NRG2: variants seen among roughly 807,000 people sequenced by gnomAD.
NRG2 encodes the protein pro-neuregulin-2, membrane-bound isoform.
NRG2 carries 27 observed loss-of-function variants against 73.9 expected under a neutral mutation model. That is an observed-to-expected ratio of 0.37 (90% CI 0.27 to 0.50). The LOEUF is 0.50. Among genes scored for constraint, NRG2 ranks in the 20% least tolerant of loss-of-function variants. The pLI is 0.96. For missense variants in NRG2, 1,126 were observed against 1,210.1 expected, an observed-to-expected ratio of 0.93 and a Z score of 1.03; for synonymous variants, 532 against 541.0, an observed-to-expected ratio of 0.98 and a Z score of 0.23.
chr5:140,030,491 G>T (rs890816766), intron 1 of NRG2, among the ~76,000 whole-genome samples: 7 of 152,236 alleles, frequency 4.6e-5, no homozygotes, highest in African/African-American at 1.7e-4. Flanking sequence ...GGGCATAGGT[G>T]AAGCAGGGGC....
At chr5:139,943,451 C>T (rs928814838) in intron 1 of NRG2, among the ~76,000 whole-genome samples, 5 of 152,082 alleles carry the variant, frequency 3.3e-5, no homozygotes, top group African/African-American at 1.2e-4. Flanking sequence ...CCCGGCCCCA[C>T]TTTTGATTTT....
intron 1 of NRG2, among the ~76,000 whole-genome samples, chr5:139,924,603 C>T (rs911587405): frequency 5.3e-5 from 8 of 152,262 alleles, no homozygotes; most frequent in East Asian, 1.9e-4. Flanking sequence ...CCTTAATATC[C>T]GGAGATTTCA....
intron 1 of NRG2, among the ~76,000 whole-genome samples, chr5:139,906,103 G>T (rs979683374): frequency 2.0e-5 from 3 of 152,082 alleles, no homozygotes; most frequent in Non-Finnish European, 4.4e-5. Context: ...CTCCTCTCGG[G>T]TTCAAGCGAT....
At chr5:139,849,320 C>T (rs1761253393) in intron 9 of NRG2, among the ~76,000 whole-genome samples, 1 of 152,220 alleles carries the variant, frequency 6.6e-6, no homozygotes, top group Admixed American at 6.5e-5. Flanking sequence ...CCCCTGTGAC[C>T]TGGCCTCACT....
At position 139,877,641 on chromosome 5, in the gene NRG2, C is replaced by T. The variant is rs1019746552; in HGVS notation, c.991+3215G>A. On this transcript the variant is annotated intron_variant, in intron 3 of 9. Coordinates refer to ENST00000361474, the MANE Select transcript of NRG2 (RefSeq NM_004883.3). ...TGTTCAAGGGTAGGCTCTTGCCTGC[C>T]ATGGACTGCACATGGTAGCAGAAGT... Among the ~76,000 whole-genome samples the T allele has an allele frequency of 8.5e-5, 13 of 152,236 alleles. No homozygotes were observed. The East Asian group carries it at 2.5e-3, about 29-fold the overall frequency.
rs879681108 is a variant in NRG2, at chr5:139,906,001, GCTTT to G, written c.701-18494_701-18491del. On this transcript the variant is annotated intron_variant, in intron 1 of 9. Transcript: ENST00000361474. ...GACCTCTCCAAGGCCATCAGAGTGA[GCTTT>G]CTTTCTTTCTTTCTTTTTTTGAGAT... Among the ~76,000 whole-genome samples the G allele has an allele frequency of 2.5e-3, 386 of 152,126 alleles. 1 individual carries two copies. Among genetic ancestry groups the G allele is most frequent in the African/African-American group, 8.4e-3 (348 of 41,500 alleles).
intron 1 of NRG2, among the ~76,000 whole-genome samples, chr5:139,914,692 G>A (rs761320617): frequency 6.6e-5 from 10 of 152,226 alleles, no homozygotes; most frequent in African/African-American, 2.4e-4. Context: ...CCAGAGGTAT[G>A]AGCTGCATTT....
chr5:139,958,180 A>C (rs1317142814), intron 1 of NRG2, among the ~76,000 whole-genome samples: 2 of 152,108 alleles, frequency 1.3e-5, no homozygotes, highest in African/African-American at 2.4e-5. Flanking sequence ...GAAATAGGCA[A>C]AGACCACTAG....
At chr5:139,884,235 G>C (rs1241905410) in intron 2 of NRG2, among the ~76,000 whole-genome samples, 1 of 152,212 alleles carries the variant, frequency 6.6e-6, no homozygotes, top group Non-Finnish European at 1.5e-5. Flanking sequence ...AAGGCACCAT[G>C]GGAGGAGACA....
At chr5:139,979,485 C>A (rs906088438) in intron 1 of NRG2, among the ~76,000 whole-genome samples, 5 of 152,208 alleles carry the variant, frequency 3.3e-5, no homozygotes, top group Non-Finnish European at 2.9e-5. Flanking sequence ...TCCTGGGATT[C>A]TCGTTCTTGT....
intron 4 of NRG2, among the ~76,000 whole-genome samples, chr5:139,871,408 C>T (rs1762842483): frequency 6.6e-6 from 1 of 152,022 alleles, no homozygotes; most frequent in Non-Finnish European, 1.5e-5. Context: ...AAAGAGAAAC[C>T]CAGTGCCCAG....
chr5:139,904,371 G>A lies in NRG2; in HGVS notation c.701-16860C>T, dbSNP rs1051768128. 2 of 1,585,308 alleles carry A rather than the reference G, an allele frequency of 1.3e-6. No individual in the cohort carries two copies. Among genetic ancestry groups the A allele is most frequent in the Non-Finnish European group, 8.5e-7 (1 of 1,173,916 alleles). ...CCTCTGGGTGCTTCTTGCCGCGGCC[G>A]CGGCCCCTCCTCCTGGACTCCGACA... On this transcript the variant is annotated intron_variant, in intron 1 of 9. Coordinates refer to ENST00000361474, the MANE Select transcript of NRG2 (RefSeq NM_004883.3). The surrounding 1 kb of genome is among the most constrained non-coding windows in gnomAD (Gnocchi z 6.0).
At position 139,894,892 on chromosome 5, in the gene NRG2, C is replaced by T. The variant is rs564984649; in HGVS notation, c.701-7381G>A. ...CAGCCTAGACCTGATGGGCTTTCAG[C>T]TCAGCAGCCCAGGTGCCTGGCATCT... On this transcript the variant is annotated intron_variant, in intron 1 of 9. Coordinates refer to ENST00000361474, the MANE Select transcript of NRG2 (RefSeq NM_004883.3). This position sits in a 1 kb window ranked among gnomAD's most constrained non-coding sequence, Gnocchi z 5.0. Among the ~76,000 whole-genome samples the T allele has an allele frequency of 6.6e-6, 1 of 152,306 alleles. No homozygotes were observed. Among genetic ancestry groups the T allele is most frequent in the South Asian group, 2.1e-4 (1 of 4,824 alleles).
At position 139,847,422 on chromosome 5, in the gene NRG2, T is replaced by G. The variant is rs1483268196; in HGVS notation, c.*495A>C. 6.6e-6 allele frequency: 1 copy of G among 152,188 alleles called. No individual in the cohort carries two copies. The highest frequency in any genetic ancestry group is 1.5e-5 in the Non-Finnish European group (1 of 68,216). The allele number at this position is 152,188 out of a possible 1,614,324, so 9.4% of individuals were successfully genotyped here. A position where few individuals can be genotyped will look rare whatever the true frequency, so the allele number is the denominator to read the frequency against. On this transcript the variant is annotated 3_prime_UTR_variant, in exon 10 of 10. Transcript: ENST00000361474. Reference sequence around the variant, plus strand: ...CCTCCCAGGGGTCGGGAACTTCAGCTCTTGCCTGGGAGCAAAGCTACTTCC... The same window carrying G: ...CCTCCCAGGGGTCGGGAACTTCAGCGCTTGCCTGGGAGCAAAGCTACTTCC...
At chr5:139,854,244 C>T (rs960740967) in intron 6 of NRG2, among the ~76,000 whole-genome samples, 15 of 152,236 alleles carry the variant, frequency 9.9e-5, no homozygotes, top group Non-Finnish European at 1.6e-4. Flanking sequence ...CCGGCCTTTG[C>T]GCATGCCAGG....
At position 140,014,099 on chromosome 5, in the gene NRG2, A is replaced by C. The variant is rs763102651; in HGVS notation, c.700+28271T>G. On this transcript the variant is annotated intron_variant, in intron 1 of 9. Transcript: ENST00000361474. ...TTCCATATTTATACCTCCAGCCCCT[A>C]TCTTACTCTCCACTTAACACATCCA... is the stretch of plus-strand genomic sequence containing the variant. 2.0e-5 allele frequency among the ~76,000 whole-genome samples: 3 copies of C among 151,988 alleles called. No homozygotes were observed. The East Asian group carries it at 5.8e-4, about 29-fold the overall frequency.
At chr5:139,981,618 G>A (rs264349) in intron 1 of NRG2, among the ~76,000 whole-genome samples, 51,487 of 152,138 alleles carry the variant, frequency 0.34, 9,488 homozygotes, top group African/African-American at 0.48. Flanking sequence ...TCAGGAATAG[G>A]GGAGTGATCA....
intron 1 of NRG2, among the ~76,000 whole-genome samples, chr5:140,027,456 A>G (rs1159391776): frequency 6.6e-6 from 1 of 152,220 alleles, no homozygotes; most frequent in Middle Eastern, 3.2e-3. Flanking sequence ...GTAAACCCCA[A>G]TAGGATTCAC....
intron 1 of NRG2, among the ~76,000 whole-genome samples, chr5:139,917,965 C>T (rs1009117076): frequency 1.3e-5 from 2 of 152,090 alleles, no homozygotes; most frequent in Non-Finnish European, 2.9e-5. Flanking sequence ...AAACTATTAC[C>T]TAATTGAATG....
Sources: gnomAD v4.1 joint callset for allele counts (sites outside exome capture counted in the v4.1 genomes callset) on GRCh38, gnomAD v4.1.1 for gene constraint, Gnocchi (gnomAD v3.1) non-coding constraint, MANE v1.5 for transcripts, NCBI Gene and HGNC (gene_info 2026-07-23, HGNC 2026-07-21) for gene names.